NCOA7: variants seen among roughly 807,000 people sequenced by gnomAD.
NCOA7 encodes the protein 140 kDa estrogen receptor-associated protein.
NCOA7 carries 45 observed loss-of-function variants against 104.3 expected under a neutral mutation model. The observed-to-expected ratio is 0.43, with a 90% confidence interval of 0.34 to 0.55. The LOEUF (loss-of-function observed/expected upper bound fraction) is 0.55, where lower values mean the gene tolerates loss of function less well. Ranked by LOEUF, NCOA7 falls within the 20% of genes least tolerant of loss-of-function variation. The pLI is 0.02. For synonymous variants in NCOA7, 398 were observed against 402.3 expected (o/e 0.99, Z 0.13); for missense variants, 1,041 against 1,119.7 (o/e 0.93, Z 1.00).
intron 8 of NCOA7, 116 bp from the exon 9 acceptor site, chr6:125,888,823 T>A (rs1321468859): frequency 2.6e-5 from 16 of 609,306 alleles, no homozygotes; most frequent in Non-Finnish European, 3.9e-5. Flanking sequence ...TAAGTTGTGA[T>A]ATATTTATGT....
At chr6:125,870,123 G>A (rs1782769751) in intron 3 of NCOA7, among the ~76,000 whole-genome samples, 1 of 152,138 alleles carries the variant, frequency 6.6e-6, no homozygotes, top group African/African-American at 2.4e-5. Flanking sequence ...TGTTACCCCG[G>A]TGTTGAGACC....
chr6:125,901,827 GC>G (rs1333796414), intron 10 of NCOA7, among the ~76,000 whole-genome samples: 23 of 152,292 alleles, frequency 1.5e-4, no homozygotes, highest in Non-Finnish European at 2.2e-4. Flanking sequence ...ATTTGATTGA[GC>G]AGTAGAAGTG....
At chr6:125,841,024 C>T (rs1474218794) in intron 2 of NCOA7, among the ~76,000 whole-genome samples, 1 of 151,058 alleles carries the variant, frequency 6.6e-6, no homozygotes, top group African/African-American at 2.4e-5. Flanking sequence ...TCCCGAGTAG[C>T]TGGGATTACA....
rs537320609 is a variant in NCOA7 at position 125,840,652 on chromosome 6, C to T, written c.51-14368C>T. The stretch of plus-strand genomic sequence containing the variant: ...ACCACAGCCTTCTGAGTAGCTGGAA[C>T]TACTCAGGATGCCACCATGCCTGGC... On this transcript the variant is annotated intron_variant, in intron 2 of 15. Coordinates refer to ENST00000392477, the MANE Select transcript of NCOA7 (RefSeq NM_181782.5). Among the ~76,000 whole-genome samples the T allele has an allele frequency of 3.3e-5, 5 of 151,244 alleles. No homozygotes were observed. In the East Asian group the frequency reaches 9.8e-4, roughly 29 times the overall value.
At chr6:125,789,428 C>A (rs1774635354), upstream of NCOA7, among the ~76,000 whole-genome samples, 1 of 152,212 alleles carries the variant, frequency 6.6e-6, no homozygotes, top group Non-Finnish European at 1.5e-5. Context: ...CCTTAGATTG[C>A]AAAATCATAA....
intron 2 of NCOA7, among the ~76,000 whole-genome samples, chr6:125,839,051 G>A (rs1213524217): frequency 6.6e-6 from 1 of 152,010 alleles, no homozygotes; most frequent in Admixed American, 6.6e-5. Flanking sequence ...ACATTTAAGG[G>A]TTTTTCTTGG....
intron 2 of NCOA7, among the ~76,000 whole-genome samples, chr6:125,819,938 C>A (rs1339196282): frequency 6.6e-6 from 1 of 152,112 alleles, no homozygotes; most frequent in Non-Finnish European, 1.5e-5. Flanking sequence ...TGTAGTTGAA[C>A]CAAATGGTGT....
intron 1 of NCOA7, among the ~76,000 whole-genome samples, chr6:125,814,431 C>A (rs887253361): frequency 6.6e-6 from 1 of 152,216 alleles, no homozygotes; most frequent in African/African-American, 2.4e-5. Flanking sequence ...GCTGGGATTA[C>A]AGGTGTGAGC....
At chr6:125,818,545 G>A (rs562002717) in intron 2 of NCOA7, among the ~76,000 whole-genome samples, 5 of 152,000 alleles carry the variant, frequency 3.3e-5, no homozygotes, top group South Asian at 4.2e-4. Flanking sequence ...GATGGAGAGA[G>A]GAGAATGGAG....
At chr6:125,900,827 T>A (rs997063300) in intron 10 of NCOA7, among the ~76,000 whole-genome samples, 2 of 152,008 alleles carry the variant, frequency 1.3e-5, no homozygotes, top group East Asian at 1.9e-4. Flanking sequence ...ACATTATACC[T>A]GGGTATTACT....
At chr6:125,910,374 C>T (rs1786419037) in intron 10 of NCOA7, among the ~76,000 whole-genome samples, 1 of 152,154 alleles carries the variant, frequency 6.6e-6, no homozygotes, top group African/African-American at 2.4e-5. Flanking sequence ...ATATATATTT[C>T]CTTTTCCAAA....
chr6:125,873,211 T>G (rs899707150), intron 3 of NCOA7, among the ~76,000 whole-genome samples: 15 of 152,168 alleles, frequency 9.9e-5, no homozygotes, highest in African/African-American at 3.4e-4. Context: ...TTAATCAACC[T>G]TCTCAGATCG....
upstream of NCOA7, among the ~76,000 whole-genome samples, chr6:125,790,443 C>A (rs1390667357): frequency 4.6e-5 from 7 of 152,200 alleles, no homozygotes; most frequent in African/African-American, 1.7e-4. Context: ...ACTCGGGAGG[C>A]GCCACAAAGG....
At chr6:125,898,619 T>TAA (rs761376339) in intron 10 of NCOA7, among the ~76,000 whole-genome samples, 1 of 151,374 alleles carries the variant, frequency 6.6e-6, no homozygotes, top group Non-Finnish European at 1.5e-5. Context: ...GATAATCTTC[T>TAA]AAAAAAAAAC....
At chr6:125,786,119 T>C (rs909931656), upstream of NCOA7, 3 of 152,152 alleles carry the variant, frequency 2.0e-5, no homozygotes, top group African/African-American at 2.4e-5. Context: ...AATAATAAAC[T>C]CTCTTCTGCC....
chr6:125,807,755 G>A (rs909489059), intron 1 of NCOA7, among the ~76,000 whole-genome samples: 3 of 152,114 alleles, frequency 2.0e-5, no homozygotes, highest in Non-Finnish European at 4.4e-5. Flanking sequence ...ATACTCATGA[G>A]GACAGGGCAT....
chr6:125,838,017 C>A (rs483912), intron 2 of NCOA7, among the ~76,000 whole-genome samples: 26 of 152,118 alleles, frequency 1.7e-4, no homozygotes, highest in Admixed American at 1.6e-3. Context: ...AAAGCCCTTC[C>A]TAGTCCTTAA....
At chr6:125,863,530 G>T (rs1782214951) in intron 3 of NCOA7, among the ~76,000 whole-genome samples, 1 of 138,000 alleles carries the variant, frequency 7.2e-6, no homozygotes, top group South Asian at 2.2e-4. Flanking sequence ...CTGAGGGAAA[G>T]ATAACAAATA....
At chr6:125,867,589 C>T (rs532119457) in intron 3 of NCOA7, among the ~76,000 whole-genome samples, 6 of 152,140 alleles carry the variant, frequency 3.9e-5, no homozygotes, top group Non-Finnish European at 8.8e-5. Flanking sequence ...CAGGGATTCC[C>T]TCTTTATCCT....
Sources: gnomAD v4.1 joint callset for allele counts (sites outside exome capture counted in the v4.1 genomes callset) on GRCh38, gnomAD v4.1.1 for gene constraint, MANE v1.5 for transcripts, NCBI Gene and HGNC (gene_info 2026-07-23, HGNC 2026-07-21) for gene names.